ATP11C: variants seen among roughly 807,000 people sequenced by gnomAD.
The protein encoded by ATP11C is ATPase phospholipid transporting 11C (ATP11C blood group), also known as phospholipid-transporting ATPase IG.
ATP11C carries 36 observed loss-of-function variants against 97.4 expected under a neutral mutation model. The ratio of observed to expected loss-of-function variants is 0.37; its 90% CI spans 0.28 to 0.49. The LOEUF (loss-of-function observed/expected upper bound fraction) is 0.49, where lower values mean the gene tolerates loss of function less well. Among genes scored for constraint, ATP11C ranks in the 20% least tolerant of loss-of-function variants. The pLI is 0.98. For missense variants in ATP11C, 730 were observed against 824.6 expected (o/e 0.89, Z 1.40); for synonymous variants, 275 against 290.9 (o/e 0.95, Z 0.56).
At chrX:139,763,728 C>T (rs776278389) in intron 20 of ATP11C, among the ~76,000 whole-genome samples, 1 of 111,865 alleles carries the variant, frequency 8.9e-6, no homozygotes, top group Admixed American at 9.5e-5. Context: ...TATTGTTATA[C>T]TGTTCGTTGT....
At chrX:139,742,022 T>C (rs1158704818) in intron 26 of ATP11C, among the ~76,000 whole-genome samples, 1 of 111,080 alleles carries the variant, frequency 9.0e-6, no homozygotes, top group Non-Finnish European at 1.9e-5. Flanking sequence ...CTAAGGAAAA[T>C]ACTAATATGA....
chrX:139,773,697 TTTAG>T (rs1205242911), intron 19 of ATP11C, among the ~76,000 whole-genome samples: 1 of 112,520 alleles, frequency 8.9e-6, no homozygotes, highest in Non-Finnish European at 1.9e-5. Flanking sequence ...CAACAGCTGT[TTTAG>T]AATTGGCCAC....
chrX:139,908,248 A>G (rs918258398), intron 1 of ATP11C, among the ~76,000 whole-genome samples: 4 of 111,482 alleles, frequency 3.6e-5, no homozygotes, highest in Non-Finnish European at 7.5e-5. Context: ...AGCTGGTTCC[A>G]GTAACTACTC....
rs181908198 is a variant in ATP11C at position 139,805,557 on chromosome X, A to G, written c.427-958T>C. Among the ~76,000 whole-genome samples the G allele has an allele frequency of 3.3e-3, 368 of 112,333 alleles. 1 individual carries two copies. Among genetic ancestry groups the G allele is most frequent in the Non-Finnish European group, 5.2e-3 (275 of 53,301 alleles). On this transcript the variant is annotated intron_variant, in intron 5 of 29. Coordinates refer to ENST00000682941, the MANE Select transcript of ATP11C (RefSeq NM_001353812.2). ...AGTCATAACATTTTTTTGGAAAGAT[A>G]TAAGAAATCCTCCAGTCTGGTCCTT...
At chrX:139,740,080 A>G (rs1171680985) in intron 27 of ATP11C, among the ~76,000 whole-genome samples, 1 of 111,657 alleles carries the variant, frequency 9.0e-6, no homozygotes, top group African/African-American at 3.2e-5. Context: ...CATCTCTGTG[A>G]TAAAATAGAA....
At chrX:139,897,056 C>T (rs2084821208) in intron 1 of ATP11C, among the ~76,000 whole-genome samples, 2 of 109,048 alleles carry the variant, frequency 1.8e-5, no homozygotes, top group African/African-American at 6.7e-5. Flanking sequence ...GGTGACATCA[C>T]GTCTCTCCTA....
intron 17 of ATP11C, 45 bp from the exon 18 acceptor site, chrX:139,782,773 G>T: frequency 1.4e-6 from 1 of 704,854 alleles, no homozygotes; most frequent in African/African-American, 2.5e-5. Context: ...ATAATAGTTG[G>T]AAAAAAAAAA....
chrX:139,826,967 C>T, intron 1 of ATP11C, 144 bp from the exon 2 acceptor site: 1 of 554,147 alleles, frequency 1.8e-6, no homozygotes, highest in African/African-American at 2.3e-5. Context: ...TTAGGGAATT[C>T]AAAATCCATT....
intron 5 of ATP11C, among the ~76,000 whole-genome samples, chrX:139,805,723 G>T (rs1426185689): frequency 8.9e-6 from 1 of 111,773 alleles, no homozygotes. Flanking sequence ...CACTGACCTA[G>T]ACACACTGAC....
chrX:139,825,791 A>T (rs1381701400), intron 2 of ATP11C, among the ~76,000 whole-genome samples: 1 of 112,830 alleles, frequency 8.9e-6, no homozygotes, highest in Non-Finnish European at 1.9e-5. Context: ...ACCAACTTTT[A>T]TCTCTGCCTT....
chrX:139,738,789 G>T (rs1342802071), intron 27 of ATP11C, among the ~76,000 whole-genome samples: 1 of 110,519 alleles, frequency 9.0e-6, no homozygotes, highest in Non-Finnish European at 1.9e-5. Flanking sequence ...CTGAACCACA[G>T]AGAGCCTCAG....
At chrX:139,782,774 A>T in intron 17 of ATP11C, 46 bp from the exon 18 acceptor site, 2 of 449,679 alleles carry the variant, frequency 4.4e-6, no homozygotes, top group Non-Finnish European at 6.2e-6. Context: ...TAATAGTTGG[A>T]AAAAAAAAAA....
In ATP11C at chrX:139,736,658, C is replaced by T. The variant is rs2081449937; in HGVS notation, c.3288+1258G>A. ...AGGTATTTGAATGCAACTTTTCCAT[C>T]CTAAAACACCAGACTAGAGTAAAGC... is the stretch of plus-strand genomic sequence containing the variant. On this transcript the variant is annotated intron_variant, in intron 28 of 29. Transcript: ENST00000682941. 2.7e-5 allele frequency among the ~76,000 whole-genome samples: 3 copies of T among 111,499 alleles called. No individual in the cohort carries two copies. In the Admixed American group the frequency reaches 2.9e-4, roughly 11 times the overall value.
intron 1 of ATP11C, among the ~76,000 whole-genome samples, chrX:139,883,775 G>A (rs941807216): frequency 2.5e-4 from 28 of 111,385 alleles, no homozygotes; most frequent in African/African-American, 8.1e-4. Context: ...ATATACAATT[G>A]GGGAAAATAG....
chrX:139,763,489 T>G, intron 20 of ATP11C, 71 bp from the exon 21 acceptor site: 1 of 762,561 alleles, frequency 1.3e-6, no homozygotes, highest in Non-Finnish European at 2.0e-6. Context: ...CTTTAGGGGT[T>G]TATGCCTCAT....
intron 29 of ATP11C, 38 bp downstream of exon 29, chrX:139,731,613 A>T: frequency 1.1e-6 from 1 of 943,277 alleles, no homozygotes; most frequent in Non-Finnish European, 1.5e-6. Context: ...TGTTAATCCG[A>T]TTTTTTAAAG....
At chrX:139,881,538 C>A (rs898765525) in intron 1 of ATP11C, among the ~76,000 whole-genome samples, 3 of 111,285 alleles carry the variant, frequency 2.7e-5, no homozygotes, top group Non-Finnish European at 3.8e-5. Flanking sequence ...AGAAATATAA[C>A]CAACATCTGG....
chrX:139,777,876 T>C (rs1191368225), intron 18 of ATP11C, among the ~76,000 whole-genome samples: 1 of 110,606 alleles, frequency 9.0e-6, no homozygotes, highest in Non-Finnish European at 1.9e-5. Context: ...GCCTTTTTTT[T>C]TTTAAGAGAG....
chrX:139,854,985 TAA>T (rs2084066907), intron 1 of ATP11C, among the ~76,000 whole-genome samples: 1 of 111,889 alleles, frequency 8.9e-6, no homozygotes, highest in Admixed American at 9.4e-5. Context: ...TATAAAAGGT[TAA>T]AAAGAGTCTA....
Sources: gnomAD v4.1 joint callset for allele counts (sites outside exome capture counted in the v4.1 genomes callset) on GRCh38, gnomAD v4.1.1 for gene constraint, MANE v1.5 for transcripts, NCBI Gene and HGNC (gene_info 2026-07-23, HGNC 2026-07-21) for gene names.